Variants in ZNF577 observed in about 807,000 individuals in gnomAD.
The protein encoded by ZNF577 is zinc finger protein 577.
ZNF577 carries 14 observed loss-of-function variants against 13.9 expected under a neutral mutation model. That is an observed-to-expected ratio of 1.00 (90% CI 0.66 to 1.57). ZNF577 has a LOEUF of 1.57. ZNF577 is among the 40% of genes most tolerant of loss of function. The probability of loss-of-function intolerance (pLI) is 0.00; values close to 1 mark genes in which losing one functional copy is unlikely to be tolerated. For synonymous variants in ZNF577, 203 were observed against 202.9 expected (o/e 1.00, Z 0.00); for missense variants, 555 against 579.2 (o/e 0.96, Z 0.43).
chr19:51,831,511 A>T (rs2084261037), intron 9 of ZNF577, among the ~76,000 whole-genome samples: 1 of 149,500 alleles, frequency 6.7e-6, no homozygotes, highest in African/African-American at 2.6e-5. Context: ...GTCCACTACC[A>T]CCTGACTTCA....
intron 9 of ZNF577, among the ~76,000 whole-genome samples, chr19:51,833,153 T>C (rs1403330819): frequency 6.6e-6 from 1 of 152,186 alleles, no homozygotes; most frequent in Non-Finnish European, 1.5e-5. Context: ...CTATCTGCCT[T>C]GTTCTTCCCA....
chr19:51,883,051 T>C (rs982837594), intron 1 of ZNF577, among the ~76,000 whole-genome samples: 1 of 150,742 alleles, frequency 6.6e-6, no homozygotes, highest in African/African-American at 2.4e-5. Context: ...TAGAGTGCAG[T>C]AGCGCGATCT....
intron 5 of ZNF577, among the ~76,000 whole-genome samples, chr19:51,858,656 C>T (rs2084463682): frequency 6.6e-6 from 1 of 152,042 alleles, no homozygotes; most frequent in South Asian, 2.1e-4. Context: ...ATAGGTTTCA[C>T]TGATAACCAA....
At chr19:51,835,902 A>T (rs1350486702) in intron 9 of ZNF577, among the ~76,000 whole-genome samples, 1 of 152,222 alleles carries the variant, frequency 6.6e-6, no homozygotes, top group Non-Finnish European at 1.5e-5. Context: ...CATGTTGGTC[A>T]GGCTGGTCTT....
At chr19:51,879,500 C>G (rs947842606) in intron 3 of ZNF577, among the ~76,000 whole-genome samples, 35 of 151,976 alleles carry the variant, frequency 2.3e-4, no homozygotes, top group Admixed American at 2.0e-3. Context: ...GCCCAGGAGG[C>G]AGAGGTTGCA....
chr19:51,834,316 TAC>T, intron 9 of ZNF577, among the ~76,000 whole-genome samples: 1 of 152,126 alleles, frequency 6.6e-6, no homozygotes, highest in Middle Eastern at 3.4e-3. Context: ...GGCCTCAAGA[TAC>T]AGAGAATTAA....
intron 10 of ZNF577, among the ~76,000 whole-genome samples, chr19:51,809,498 A>G (rs887275318): frequency 2.0e-5 from 3 of 152,062 alleles, no homozygotes; most frequent in Non-Finnish European, 4.4e-5. Flanking sequence ...CAACCTCTTT[A>G]TTTTCTCATT....
At chr19:51,825,363 T>C (rs8109098) in intron 9 of ZNF577, 67,220 of 167,294 alleles carry the variant, frequency 0.4, 13,625 homozygotes, top group South Asian at 0.53. Flanking sequence ...GCTCTCCAAA[T>C]CCAGTCCTCT....
In ZNF577 at chr19:51,873,501, G is replaced by A. The variant is rs751378784; in HGVS notation, c.489C>T (p.Cys163=). 1.9e-5 allele frequency: 31 copies of A among 1,613,950 alleles called. No individual in the cohort carries two copies. Among genetic ancestry groups the A allele is most frequent in the Middle Eastern group, 1.6e-4 (1 of 6,084 alleles). ...AGGKPHECSV[C]GRAFSRKAQL... ...GTGCTTTCCTGGAGAAGGCTCTCCCGCACACACTGCATTCATGTGGTTTCC... is the reference window on the plus strand; with the variant it reads ...GTGCTTTCCTGGAGAAGGCTCTCCCACACACACTGCATTCATGTGGTTTCC... The change falls in exon 6 of 6, where the codon TGC becomes TGT. Residue 163 remains cysteine (C), a synonymous_variant. Transcript: ENST00000638348.
At chr19:51,854,911 C>T (rs377228061) in intron 5 of ZNF577, among the ~76,000 whole-genome samples, 1 of 152,086 alleles carries the variant, frequency 6.6e-6, no homozygotes, top group African/African-American at 2.4e-5. Flanking sequence ...CTTATTCTGT[C>T]TTCTGCCACC....
At chr19:51,836,376 T>C (rs1475572818) in intron 9 of ZNF577, among the ~76,000 whole-genome samples, 4 of 152,236 alleles carry the variant, frequency 2.6e-5, no homozygotes, top group South Asian at 2.1e-4. Context: ...AATGTACTTA[T>C]GTTTTACACT....
At chr19:51,821,746 G>A (rs1040268959) in intron 9 of ZNF577, among the ~76,000 whole-genome samples, 3 of 151,592 alleles carry the variant, frequency 2.0e-5, no homozygotes, top group African/African-American at 7.3e-5. Context: ...TTCAAATCTT[G>A]CTGCCTCCAC....
chr19:51,882,975 G>A (rs539549213), intron 1 of ZNF577, among the ~76,000 whole-genome samples: 1 of 150,012 alleles, frequency 6.7e-6, no homozygotes, highest in East Asian at 2.0e-4. Context: ...ATCATTTTGT[G>A]TGGGCTTTTT....
chr19:51,861,367 G>A (rs1209610708), intron 5 of ZNF577: 1 of 159,180 alleles, frequency 6.3e-6, no homozygotes, highest in African/African-American at 2.4e-5. Flanking sequence ...CCAACCTCAA[G>A]TGATCTGCCT....
chr19:51,832,309 T>A (rs541747316), intron 9 of ZNF577, among the ~76,000 whole-genome samples: 100 of 152,262 alleles, frequency 6.6e-4, no homozygotes, highest in African/African-American at 1.8e-3. Context: ...TATTTTTTTT[T>A]AATTTGTATT....
intron 4 of ZNF577, 34 bp downstream of exon 4, chr19:51,878,355 A>C: frequency 1.2e-6 from 2 of 1,608,814 alleles, no homozygotes; most frequent in Non-Finnish European, 1.7e-6. Flanking sequence ...CCAAATAAGA[A>C]AGAAAAGGTA....
intron 10 of ZNF577, among the ~76,000 whole-genome samples, chr19:51,810,080 C>A (rs763472216): frequency 6.6e-6 from 1 of 152,110 alleles, no homozygotes; most frequent in African/African-American, 2.4e-5. Flanking sequence ...TGAGATCTGG[C>A]GGCATTCCTT....
At chr19:51,865,452 C>T (rs2084551862), downstream of ZNF577, among the ~76,000 whole-genome samples, 1 of 152,174 alleles carries the variant, frequency 6.6e-6, no homozygotes, top group Non-Finnish European at 1.5e-5. Context: ...GTGAGCACTC[C>T]CACCTTCTAG....
chr19:51,844,050 CTTTTTTT>C (rs34391853), intron 6 of ZNF577, among the ~76,000 whole-genome samples: 1 of 127,126 alleles, frequency 7.9e-6, no homozygotes, highest in African/African-American at 2.8e-5. Flanking sequence ...AGCCACTACA[CTTTTTTT>C]TTTTTTTTTT....
Sources: allele counts gnomAD v4.1 joint callset (sites outside exome capture counted in the v4.1 genomes callset), GRCh38; gene constraint gnomAD v4.1.1; transcripts MANE v1.5; gene names NCBI Gene and HGNC (gene_info 2026-07-23, HGNC 2026-07-21).